Variants in SLC24A3 observed in about 807,000 individuals in gnomAD.
The protein encoded by SLC24A3 is solute carrier family 24 member 3, also known as sodium/potassium/calcium exchanger 3.
Under a neutral mutation model 75.8 loss-of-function variants are expected in SLC24A3, and 28 were observed. The ratio of observed to expected loss-of-function variants is 0.37; its 90% CI spans 0.27 to 0.51. The LOEUF is 0.51. Ranked by LOEUF, SLC24A3 falls within the 20% of genes least tolerant of loss-of-function variation. The probability of loss-of-function intolerance (pLI) is 0.94; values close to 1 mark genes in which losing one functional copy is unlikely to be tolerated. For synonymous variants in SLC24A3, 372 were observed against 334.1 expected, an observed-to-expected ratio of 1.11 and a Z score of -1.24; for missense variants, 663 against 847.8, an observed-to-expected ratio of 0.78 and a Z score of 2.71.
chr20:19,583,593 A>C (rs1275283106), intron 4 of SLC24A3, among the ~76,000 whole-genome samples: 3 of 152,140 alleles, frequency 2.0e-5, no homozygotes, highest in Non-Finnish European at 4.4e-5. Flanking sequence ...AACTGGCTGG[A>C]TGAAGGAGAG....
chr20:19,368,009 G>A (rs1985926617), intron 2 of SLC24A3, among the ~76,000 whole-genome samples: 1 of 152,190 alleles, frequency 6.6e-6, no homozygotes, highest in East Asian at 1.9e-4. Flanking sequence ...ATACTCTCTT[G>A]GAATAGATGG....
intron 2 of SLC24A3, among the ~76,000 whole-genome samples, chr20:19,440,829 G>A (rs1987285392): frequency 6.6e-6 from 1 of 152,106 alleles, no homozygotes; most frequent in Admixed American, 6.5e-5. Context: ...GAACTTAAGG[G>A]CTCGGGTGGA....
intron 1 of SLC24A3, among the ~76,000 whole-genome samples, chr20:19,229,865 C>T (rs1981969183): frequency 6.6e-6 from 1 of 152,086 alleles, no homozygotes; most frequent in African/African-American, 2.4e-5. Flanking sequence ...TCTGCTGCCT[C>T]TTATTCCCAT....
chr20:19,371,351 G>A (rs1985989781), intron 2 of SLC24A3, among the ~76,000 whole-genome samples: 1 of 126,136 alleles, frequency 7.9e-6, no homozygotes, highest in African/African-American at 3.8e-5. Flanking sequence ...AAAGGCCCAG[G>A]AGGTCTGGGG....
At chr20:19,695,575 A>T (rs183590960) in intron 13 of SLC24A3, 1 of 152,286 alleles carries the variant, frequency 6.6e-6, no homozygotes, top group Admixed American at 6.5e-5. Context: ...ATATTGTGTG[A>T]TGGAAGTGAC....
intron 2 of SLC24A3, among the ~76,000 whole-genome samples, chr20:19,497,017 TA>T (rs920302772): frequency 8.5e-5 from 13 of 152,280 alleles, no homozygotes; most frequent in African/African-American, 2.6e-4. Context: ...TCCAACACAC[TA>T]AGTAGACATT....
In SLC24A3 at chr20:19,465,813, C is replaced by G. The variant is rs1436876927; in HGVS notation, c.272-49675C>G. Among the ~76,000 whole-genome samples the G allele has an allele frequency of 2.0e-5, 3 of 152,212 alleles. No homozygotes were observed. In the East Asian group the frequency reaches 5.8e-4, roughly 29 times the overall value. On this transcript the variant is annotated intron_variant, in intron 2 of 16. Transcript: ENST00000328041. ...TTTCTCTGGGCTTGTGCTTCTACCA[C>G]TGGAAGCACATTAGAATCACTGGAG...
At chr20:19,434,261 A>G (rs1003416457) in intron 2 of SLC24A3, among the ~76,000 whole-genome samples, 1 of 152,196 alleles carries the variant, frequency 6.6e-6, no homozygotes, top group Admixed American at 6.5e-5. Context: ...CTCCCATGGA[A>G]TTTCCTAAAC....
At chr20:19,589,584 A>G (rs1160295858) in intron 6 of SLC24A3, among the ~76,000 whole-genome samples, 2 of 152,164 alleles carry the variant, frequency 1.3e-5, no homozygotes, top group African/African-American at 4.8e-5. Flanking sequence ...AAAACAATAC[A>G]CTTCCTGGGT....
chr20:19,511,785 C>T lies in SLC24A3; in HGVS notation c.272-3703C>T, dbSNP rs60982395. 9.3e-3 allele frequency among the ~76,000 whole-genome samples: 1,414 copies of T among 152,228 alleles called. 21 individuals are homozygous for T. The highest frequency in any genetic ancestry group is 0.039 in the South Asian group (190 of 4,824). On this transcript the variant is annotated intron_variant, in intron 2 of 16. Coordinates refer to ENST00000328041, the MANE Select transcript of SLC24A3 (RefSeq NM_020689.4). ...TTCCAATTTTGTTATTTTCCTGATA[C>T]GTGTTTTCTGAGAGGAGCTGTAATG...
chr20:19,435,338 C>T (rs1987179602), intron 2 of SLC24A3, among the ~76,000 whole-genome samples: 1 of 152,220 alleles, frequency 6.6e-6, no homozygotes, highest in South Asian at 2.1e-4. Flanking sequence ...ATCTTACAGA[C>T]TTATCTTCAG....
chr20:19,487,994 T>C (rs1988152760), intron 2 of SLC24A3, among the ~76,000 whole-genome samples: 1 of 152,238 alleles, frequency 6.6e-6, no homozygotes, highest in African/African-American at 2.4e-5. Context: ...AATTGAAAGA[T>C]GTGTCAATGA....
At chr20:19,604,832 C>T (rs939597425) in intron 6 of SLC24A3, among the ~76,000 whole-genome samples, 8 of 152,172 alleles carry the variant, frequency 5.3e-5, no homozygotes, top group African/African-American at 1.9e-4. Context: ...TCAAAGCACC[C>T]CACCTTCCCT....
At chr20:19,624,368 A>G (rs759986842) in intron 6 of SLC24A3, among the ~76,000 whole-genome samples, 2 of 152,212 alleles carry the variant, frequency 1.3e-5, no homozygotes, top group African/African-American at 2.4e-5. Flanking sequence ...ATGCACACAT[A>G]GTGGCAGTAT....
chr20:19,653,590 T>C (rs1301243420), intron 6 of SLC24A3, among the ~76,000 whole-genome samples: 1 of 152,168 alleles, frequency 6.6e-6, no homozygotes, highest in Non-Finnish European at 1.5e-5. Flanking sequence ...AGGCACAGGT[T>C]AGGATTGCTC....
At chr20:19,343,709 A>G (rs1214478228) in intron 2 of SLC24A3, among the ~76,000 whole-genome samples, 2 of 152,192 alleles carry the variant, frequency 1.3e-5, no homozygotes, top group African/African-American at 2.4e-5. Flanking sequence ...TCTGAGCTCA[A>G]GATTTAAAGC....
In SLC24A3 at chr20:19,659,650, G is replaced by A. The variant is rs2032304788; in HGVS notation, c.687+5514G>A. ...TCCCACGTTAGAGATGGCATCACCA[G>A]GGCTCTGGTGGTTAAATGATTCACC... On this transcript the variant is annotated intron_variant, in intron 7 of 16. Transcript: ENST00000328041. Among the ~76,000 whole-genome samples the A allele has an allele frequency of 2.6e-5, 4 of 152,206 alleles. No homozygotes were observed. The South Asian group carries it at 8.3e-4, about 32-fold the overall frequency.
chr20:19,635,507 T>C (rs1179783396), intron 6 of SLC24A3, among the ~76,000 whole-genome samples: 1 of 152,224 alleles, frequency 6.6e-6, no homozygotes, highest in Non-Finnish European at 1.5e-5. Flanking sequence ...CAAACTTAGT[T>C]ATGTAAAACA....
intron 2 of SLC24A3, among the ~76,000 whole-genome samples, chr20:19,306,913 CACTGCAT>C (rs1984347115): frequency 6.6e-6 from 1 of 152,174 alleles, no homozygotes; most frequent in African/African-American, 2.4e-5. Context: ...TCTCACGTGA[CACTGCAT>C]AGCTTTTCTG....
Sources: gnomAD v4.1 joint callset for allele counts (sites outside exome capture counted in the v4.1 genomes callset) on GRCh38, gnomAD v4.1.1 for gene constraint, MANE v1.5 for transcripts, NCBI Gene and HGNC (gene_info 2026-07-23, HGNC 2026-07-21) for gene names.